AKAP13: variants seen among roughly 807,000 people sequenced by gnomAD.
AKAP13 encodes the protein A-kinase anchoring protein 13.
Under a neutral mutation model 264.5 loss-of-function variants are expected in AKAP13, and 80 were observed. The observed-to-expected ratio is 0.30, with a 90% CI of 0.25 to 0.36. AKAP13 has a LOEUF of 0.36. Among genes scored for constraint, AKAP13 ranks in the 10% least tolerant of loss-of-function variants. The pLI is 1.00. For missense variants in AKAP13, 3,712 were observed against 3,435.2 expected (o/e 1.08, Z -2.01); for synonymous variants, 1,380 against 1,250.2 (o/e 1.10, Z -2.19).
At chr15:85,736,156 T>C in intron 33 of AKAP13, 22 bp downstream of exon 33, 1 of 1,563,652 alleles carries the variant, frequency 6.4e-7, no homozygotes, top group South Asian at 1.1e-5. Flanking sequence ...ATGAACTATT[T>C]AAGAAAATAT....
At chr15:85,633,786 T>G (rs1281765048) in intron 8 of AKAP13, among the ~76,000 whole-genome samples, 1 of 151,734 alleles carries the variant, frequency 6.6e-6, no homozygotes, top group Non-Finnish European at 1.5e-5. Context: ...CCTCGTGATC[T>G]GCCCACCTCG....
chr15:85,663,326 A>G (rs2083445249), intron 12 of AKAP13, among the ~76,000 whole-genome samples: 1 of 148,288 alleles, frequency 6.7e-6, no homozygotes, highest in Non-Finnish European at 1.5e-5. Flanking sequence ...AAAAAAAAAT[A>G]GGAAAAGAAA....
intron 4 of AKAP13, among the ~76,000 whole-genome samples, chr15:85,539,782 A>G (rs1303311404): frequency 6.6e-6 from 1 of 152,174 alleles, no homozygotes; most frequent in African/African-American, 2.4e-5. Flanking sequence ...AGATCTTTCC[A>G]ATTAAGTATG....
intron 10 of AKAP13, 100 bp downstream of exon 10, chr15:85,646,054 C>G: frequency 6.9e-7 from 1 of 1,438,876 alleles, no homozygotes; most frequent in Non-Finnish European, 9.3e-7. Flanking sequence ...CTTGTGCTCT[C>G]CTGTTTCCCT....
chr15:85,725,074 G>A (rs1038725107), intron 26 of AKAP13, among the ~76,000 whole-genome samples: 2 of 152,132 alleles, frequency 1.3e-5, no homozygotes, highest in African/African-American at 4.8e-5. Context: ...TGGATCCAGC[G>A]CTTTATTCTT....
rs1006548801 is a variant in AKAP13, at chr15:85,562,701, T to C, written c.663-12430T>C. ...CTTTTCTTTTCTTTTCTTTTTTTTT[T>C]TTTTTTTTTTTGAGACTGAATTTCC... On this transcript the variant is annotated intron_variant, in intron 5 of 36. Coordinates refer to ENST00000394518, the MANE Select transcript of AKAP13 (RefSeq NM_007200.5). Among the ~76,000 whole-genome samples the C allele has an allele frequency of 7.3e-5, 10 of 136,178 alleles. 1 individual carries two copies. The highest frequency in any genetic ancestry group is 2.2e-4 in the African/African-American group (8 of 36,770). The allele number at this position is 136,178 out of a possible 152,430, so 89.3% of individuals were successfully genotyped here.
chr15:85,520,538 A>C (rs1413217519), intron 2 of AKAP13: 22 of 397,904 alleles, frequency 5.5e-5, no homozygotes, highest in Non-Finnish European at 2.9e-5. Flanking sequence ...TGAAAGACAA[A>C]GATGTCTTAC....
intron 1 of AKAP13, among the ~76,000 whole-genome samples, chr15:85,402,126 T>C (rs10444883): frequency 0.25 from 38,352 of 152,120 alleles, 6,420 homozygotes; most frequent in Non-Finnish European, 0.37. Flanking sequence ...TTTGGTTCTT[T>C]GTTGTGTTTT....
At chr15:85,465,608 T>C (rs1386307517) in intron 1 of AKAP13, among the ~76,000 whole-genome samples, 1 of 150,418 alleles carries the variant, frequency 6.6e-6, no homozygotes, top group Non-Finnish European at 1.5e-5. Flanking sequence ...GGTGTTTGGT[T>C]TTTTTGTCCT....
In AKAP13 at chr15:85,380,639, T is replaced by C. The variant is rs1295477482; in HGVS notation, c.-171T>C. 7.3e-6 allele frequency: 1 copy of C among 136,746 alleles called. No homozygotes were observed. The highest frequency in any genetic ancestry group is 8.0e-5 in the Admixed American group (1 of 12,424). The allele number at this position is 136,746 out of a possible 1,614,324, so 8.5% of individuals were successfully genotyped here. On this transcript the variant is annotated 5_prime_UTR_variant, in exon 1 of 37. Coordinates refer to ENST00000394518, the MANE Select transcript of AKAP13 (RefSeq NM_007200.5). ...CAGCGCGGAGCCCGAGCAGCCGCGG[T>C]GAAGCGCCTGTGCTCTGCCGAGACT...
chr15:85,686,816 T>G (rs2151620620), intron 16 of AKAP13, among the ~76,000 whole-genome samples: 1 of 152,344 alleles, frequency 6.6e-6, no homozygotes, highest in Non-Finnish European at 1.5e-5. Flanking sequence ...GTCTTAGCAT[T>G]CCACTAGGTG....
Position 85,642,264 on chromosome 15 carries a change from T to C in AKAP13, c.4237+2815T>C, listed in dbSNP as rs2082341176. ...CTCCTTTAGGGAAGTACTAATCATC[T>C]CTTGTCACTGTTATGGAAATGGCAA... On this transcript the variant is annotated intron_variant, in intron 9 of 36. Coordinates refer to ENST00000394518, the MANE Select transcript of AKAP13 (RefSeq NM_007200.5). Among the ~76,000 whole-genome samples, 3 of 152,216 alleles carry C rather than the reference T, an allele frequency of 2.0e-5. No homozygotes were observed. The South Asian group carries it at 6.2e-4, about 31-fold the overall frequency.
At chr15:85,390,456 G>A (rs1197081477) in intron 1 of AKAP13, among the ~76,000 whole-genome samples, 2 of 152,222 alleles carry the variant, frequency 1.3e-5, no homozygotes, top group Non-Finnish European at 2.9e-5. Context: ...GCCTGGTGTG[G>A]CTGGAATGGG....
intron 8 of AKAP13, chr15:85,621,595 A>G (rs185985714): frequency 1.4e-4 from 22 of 152,336 alleles, no homozygotes; most frequent in Admixed American, 1.2e-3. Flanking sequence ...GCTAAAATAT[A>G]TAATACTTTA....
intron 5 of AKAP13, among the ~76,000 whole-genome samples, chr15:85,554,683 T>G (rs751100610): frequency 6.6e-5 from 10 of 152,112 alleles, no homozygotes; most frequent in Non-Finnish European, 7.4e-5. Context: ...TCACAATATA[T>G]CAATCGTTTC....
intron 5 of AKAP13, among the ~76,000 whole-genome samples, chr15:85,548,452 C>T (rs894629541): frequency 2.0e-5 from 3 of 152,052 alleles, no homozygotes; most frequent in African/African-American, 4.8e-5. Context: ...GAACTGCTTA[C>T]GGATTAAAAG....
intron 1 of AKAP13, among the ~76,000 whole-genome samples, chr15:85,443,775 GT>G (rs2073800755): frequency 1.8e-5 from 1 of 57,002 alleles, no homozygotes; most frequent in Non-Finnish European, 4.8e-5. Flanking sequence ...AAAAAAAAGT[GT>G]GTGTGTGTGT....
chr15:85,387,429 C>T (rs1225174329), intron 1 of AKAP13, among the ~76,000 whole-genome samples: 1 of 152,162 alleles, frequency 6.6e-6, no homozygotes, highest in East Asian at 1.9e-4. Context: ...CTCCTGGGCC[C>T]AAGCGATTCT....
At chr15:85,668,319 T>G (rs1352838535) in intron 13 of AKAP13, among the ~76,000 whole-genome samples, 1 of 152,202 alleles carries the variant, frequency 6.6e-6, no homozygotes, top group African/African-American at 2.4e-5. Flanking sequence ...GGAGGCAGAT[T>G]TCATTCTGTG....
Sources: gnomAD v4.1 joint callset for allele counts (sites outside exome capture counted in the v4.1 genomes callset) on GRCh38, gnomAD v4.1.1 for gene constraint, MANE v1.5 for transcripts, NCBI Gene and HGNC (gene_info 2026-07-23, HGNC 2026-07-21) for gene names.